HIP1: variants seen among roughly 807,000 people sequenced by gnomAD.
The protein encoded by HIP1 is huntingtin interacting protein 1, also known as huntingtin-interacting protein 1.
In HIP1, 65 loss-of-function variants were observed where a neutral mutation model predicts 147.6. The ratio of observed to expected loss-of-function variants is 0.44; its 90% confidence interval spans 0.36 to 0.54. The LOEUF (loss-of-function observed/expected upper bound fraction) is 0.54. Among genes scored for constraint, HIP1 ranks in the 20% least tolerant of loss-of-function variants. HIP1 has a pLI of 0.00. For synonymous variants in HIP1, 479 were observed against 504.0 expected (o/e 0.95, Z 0.67); for missense variants, 1,061 against 1,299.6 (o/e 0.82, Z 2.82).
At chr7:75,583,553 T>C (rs1729996195) in intron 5 of HIP1, among the ~76,000 whole-genome samples, 1 of 152,034 alleles carries the variant, frequency 6.6e-6, no homozygotes, top group African/African-American at 2.4e-5. Flanking sequence ...GTTGCTTACA[T>C]GGCAGAGGAG....
At chr7:75,664,655 C>CCATT (rs1351486903) in intron 1 of HIP1, among the ~76,000 whole-genome samples, 2 of 151,492 alleles carry the variant, frequency 1.3e-5, no homozygotes, top group Non-Finnish European at 2.9e-5. Context: ...CTCCATTGCT[C>CCATT]CATTGCCCAG....
In HIP1 at chr7:75,677,875, T is replaced by G. The variant is rs543514126; in HGVS notation, c.120+60926A>C. Among the ~76,000 whole-genome samples the G allele has an allele frequency of 5.3e-5, 8 of 152,184 alleles. No homozygotes were observed. The East Asian group carries it at 1.2e-3, about 22-fold the overall frequency. On this transcript the variant is annotated intron_variant, in intron 1 of 30. Coordinates refer to ENST00000336926, the MANE Select transcript of HIP1 (RefSeq NM_005338.7). The stretch of plus-strand genomic sequence containing the variant: ...AAAACCTCTTTCCTATGATCTCTGC[T>G]TGGTTGGTTCTATCACTTCATTATG...
chr7:75,618,311 C>G (rs1406426157), intron 1 of HIP1, among the ~76,000 whole-genome samples: 1 of 152,170 alleles, frequency 6.6e-6, no homozygotes, highest in Non-Finnish European at 1.5e-5. Flanking sequence ...GCCACCAACT[C>G]TGGCTAATTT....
intron 1 of HIP1, among the ~76,000 whole-genome samples, chr7:75,676,708 G>A (rs143220734): frequency 4.5e-4 from 68 of 152,050 alleles, no homozygotes; most frequent in Non-Finnish European, 6.2e-4. Flanking sequence ...CCCAGGAGGC[G>A]GAGGTTGCAG....
chr7:75,593,232 G>T (rs1392012436), intron 2 of HIP1, among the ~76,000 whole-genome samples: 5 of 152,160 alleles, frequency 3.3e-5, no homozygotes, highest in Non-Finnish European at 7.4e-5. Flanking sequence ...GCCTCGCAAA[G>T]TGCTGGGGTT....
chr7:75,646,900 C>T (rs1563267400), intron 1 of HIP1, among the ~76,000 whole-genome samples: 1 of 152,268 alleles, frequency 6.6e-6, no homozygotes, highest in East Asian at 1.9e-4. Flanking sequence ...AGGCCCCCTC[C>T]AGGACCAATG....
chr7:75,643,655 G>T (rs1369961966), intron 1 of HIP1, among the ~76,000 whole-genome samples: 1 of 152,144 alleles, frequency 6.6e-6, no homozygotes, highest in Admixed American at 6.6e-5. Context: ...TTTATAAGGA[G>T]AATGTAATGA....
At position 75,664,006 on chromosome 7, in the gene HIP1, GTATATATATACACATA is replaced by G. The variant is rs1799419856; in HGVS notation, c.121-64775_121-64760del. 2.7e-4 allele frequency among the ~76,000 whole-genome samples: 5 copies of G among 18,216 alleles called. 2 individuals carry two copies. Among genetic ancestry groups the G allele is most frequent in the East Asian group, 2.8e-3 (2 of 706 alleles). 12.0% of individuals were successfully genotyped at this position (18,216 alleles called of 152,430 possible). ...TGTGTATATATATACACATATATGT[GTATATATATACACATA>G]TATGTGTATATATATACACATATAT... On this transcript the variant is annotated intron_variant, in intron 1 of 30. Transcript: ENST00000336926.
chr7:75,630,554 GA>G (rs1554508732), intron 1 of HIP1, among the ~76,000 whole-genome samples: 3 of 151,712 alleles, frequency 2.0e-5, no homozygotes, highest in Non-Finnish European at 4.4e-5. Flanking sequence ...GCATCGACCA[GA>G]GGTAGTTTCT....
intron 1 of HIP1, among the ~76,000 whole-genome samples, chr7:75,670,362 G>T (rs1584937974): frequency 7.6e-6 from 1 of 131,672 alleles, no homozygotes; most frequent in African/African-American, 3.0e-5. Context: ...TCACCATGTT[G>T]CCCCGGCTGG....
In HIP1 at chr7:75,586,762, G is replaced by A; in HGVS notation, c.456C>T (p.Tyr152=). 2.5e-6 allele frequency: 4 copies of A among 1,609,134 alleles called. No individual in the cohort carries two copies. Among genetic ancestry groups the A allele is most frequent in the Non-Finnish European group, 3.4e-6 (4 of 1,175,618 alleles). Residue 152 remains tyrosine (Y), a synonymous_variant, in exon 5 of 31, where the codon TAC becomes TAT. Transcript: ENST00000336926. ...YLKLLRTKME[Y]HTKNPRFPGN... ...GTCCGCAGAGACTCACTTTGGTGTGGTACTCCATCTTGGTTCTTAGCAGTT... is the reference window on the plus strand; with the variant it reads ...GTCCGCAGAGACTCACTTTGGTGTGATACTCCATCTTGGTTCTTAGCAGTT...
Position 75,541,960 on chromosome 7 carries a change from T to C in HIP1, c.2911A>G (p.Met971Val). ...EETDNMDFSS[M>V]TLTQIKRQEM... The stretch of plus-strand genomic sequence containing the variant: ...TGGCGTTTGATCTGTGTCAGCGTCA[T>C]GCTTGAGAAGTCCATGTTGTCTGCA... Residue 971 changes from methionine (M) to valine (V), a missense_variant, in exon 29 of 31, where the codon ATG becomes GTG. This residue lies in a region of HIP1 where 810 missense variants were observed against 946.8 expected (regional missense o/e 0.86). Transcript: ENST00000336926. The C allele has an allele frequency of 3.7e-6, 6 of 1,614,042 alleles. No individual in the cohort carries two copies. Among genetic ancestry groups the C allele is most frequent in the Non-Finnish European group, 5.1e-6 (6 of 1,179,884 alleles).
rs1214651148 is a variant in HIP1 at position 75,542,883 on chromosome 7, G to C, written c.2858C>G (p.Thr953Ser). The C allele has an allele frequency of 3.7e-6, 6 of 1,613,996 alleles. No individual in the cohort carries two copies. The highest frequency in any genetic ancestry group is 5.1e-6 in the Non-Finnish European group (6 of 1,180,018). ...TTCGATCTGTGATTTGCCGGAAATGGTTGAGGCCACAACGCCGGCAGTGGC... is the reference window on the plus strand; with the variant it reads ...TTCGATCTGTGATTTGCCGGAAATGCTTGAGGCCACAACGCCGGCAGTGGC... ...NQATAGVVAS[T>S]ISGKSQIEET... The change falls in exon 28 of 31, where the codon ACC becomes AGC. Residue 953 changes from threonine (T) to serine (S), a missense_variant. By Grantham distance (58) the Thr-to-Ser change is moderately conservative. This residue lies in a region of HIP1 where 810 missense variants were observed against 946.8 expected (regional missense o/e 0.86). Coordinates refer to ENST00000336926, the MANE Select transcript of HIP1 (RefSeq NM_005338.7).
At chr7:75,675,746 C>T (rs141515141) in intron 1 of HIP1, among the ~76,000 whole-genome samples, 45 of 152,012 alleles carry the variant, frequency 3.0e-4, no homozygotes, top group African/African-American at 9.9e-4. Context: ...TGGGAGGTCA[C>T]GGCAGGAGAA....
intron 1 of HIP1, among the ~76,000 whole-genome samples, chr7:75,620,108 G>T (rs1227495897): frequency 6.6e-6 from 1 of 152,176 alleles, no homozygotes; most frequent in Non-Finnish European, 1.5e-5. Flanking sequence ...ATACAGTGAG[G>T]GTGCGGTGGC....
At position 75,670,013 on chromosome 7, in the gene HIP1, C is replaced by G. The variant is rs559357109; in HGVS notation, c.120+68788G>C. Among the ~76,000 whole-genome samples, 24 of 152,254 alleles carry G rather than the reference C, an allele frequency of 1.6e-4. No individual in the cohort carries two copies. In the South Asian group the frequency reaches 5.0e-3, roughly 32 times the overall value. Reference sequence around the variant, plus strand: ...ACGGGGTTTCGTCATGTTGGCCAGGCTAGTCTTGAACTCCTGACCTCAGGT... The same window carrying G: ...ACGGGGTTTCGTCATGTTGGCCAGGGTAGTCTTGAACTCCTGACCTCAGGT... On this transcript the variant is annotated intron_variant, in intron 1 of 30. Coordinates refer to ENST00000336926, the MANE Select transcript of HIP1 (RefSeq NM_005338.7).
chr7:75,548,868 G>A (rs782574536), intron 23 of HIP1, 23 bp downstream of exon 23: 1 of 1,535,634 alleles, frequency 6.5e-7, no homozygotes, highest in South Asian at 1.1e-5. Flanking sequence ...ATCGTTTCAG[G>A]AGATCCTGCA....
At position 75,577,169 on chromosome 7, in the gene HIP1, A is replaced by G. The variant is rs1490845549; in HGVS notation, c.605-3268T>C. 2.0e-5 allele frequency among the ~76,000 whole-genome samples: 3 copies of G among 152,054 alleles called. No individual in the cohort carries two copies. The East Asian group carries it at 5.8e-4, about 29-fold the overall frequency. On this transcript the variant is annotated intron_variant, in intron 7 of 30. Transcript: ENST00000336926. ...CATATAGCAAGACCCCATCTCTACA[A>G]AAAATTAAAAAATTAGCTGGGTGTG...
intron 16 of HIP1, among the ~76,000 whole-genome samples, chr7:75,557,346 AC>A (rs1563201037): frequency 1.1e-4 from 16 of 150,876 alleles, no homozygotes; most frequent in African/African-American, 4.0e-4. Flanking sequence ...AACAAAACAA[AC>A]AAACAAAAAA....
Sources: allele counts gnomAD v4.1 joint callset (sites outside exome capture counted in the v4.1 genomes callset), GRCh38; gene constraint gnomAD v4.1.1; regional missense constraint gnomAD v4.1.1; transcripts MANE v1.5; gene names NCBI Gene and HGNC (gene_info 2026-07-23, HGNC 2026-07-21).